The following JMJD7 variants were observed in gnomAD, a reference collection of about 807,000 sequenced individuals.
The protein encoded by JMJD7 is bifunctional peptidase and (3S)-lysyl hydroxylase JMJD7.
Under a neutral mutation model 41.1 loss-of-function variants are expected in JMJD7, and 41 were observed. The observed-to-expected ratio is 1.00, with a 90% confidence interval of 0.78 to 1.30. The LOEUF is 1.30. Ranked by LOEUF, JMJD7 falls within the 50% of genes most tolerant of loss-of-function variation. The pLI, the probability that JMJD7 is intolerant of heterozygous loss-of-function variation, is 0.00. For missense variants in JMJD7, 480 were observed against 420.7 expected (o/e 1.14, Z -1.23); for synonymous variants, 202 against 177.2 (o/e 1.14, Z -1.11).
chr15:41,830,224 C>T (rs894403228), intron 1 of JMJD7, among the ~76,000 whole-genome samples: 18 of 152,192 alleles, frequency 1.2e-4, no homozygotes, highest in African/African-American at 3.4e-4. Context: ...AGCACCCTGC[C>T]AAAGGTGCAA....
chr15:41,828,206 A>C lies in JMJD7; in HGVS notation c.64+18A>C, dbSNP rs986408704. 3.3e-6 allele frequency: 5 copies of C among 1,500,698 alleles called. No homozygotes were observed. The highest frequency in any genetic ancestry group is 4.4e-6 in the Non-Finnish European group (5 of 1,136,990). 93.0% of individuals were successfully genotyped at this position (1,500,698 alleles called of 1,614,324 possible). ...TGCAAGGGGTGAGTGGCTCTCCCAC[A>C]GGCTGCGGCGATTTCCGAACACGGG... On this transcript the variant is annotated intron_variant, in intron 1 of 7. Transcript: ENST00000397299.
In JMJD7 at chr15:41,833,414, A is replaced by ATATATATTT. The variant is rs1239528383; in HGVS notation, c.65-1325_65-1324insATATATTTT. On this transcript the variant is annotated intron_variant, in intron 1 of 7. Coordinates refer to ENST00000397299, the MANE Select transcript of JMJD7 (RefSeq NM_001114632.2). ...AATACATATATATATATATATATAT[A>ATATATATTT]TTTTTTTTTTTTTTTTTTTTTTTTG... 5.0e-3 allele frequency among the ~76,000 whole-genome samples: 160 copies of ATATATATTT among 32,026 alleles called. 3 individuals carry two copies. Among genetic ancestry groups the ATATATATTT allele is most frequent in the Non-Finnish European group, 7.2e-3 (118 of 16,348 alleles). 21.0% of individuals were successfully genotyped at this position (32,026 alleles called of 152,430 possible).
Position 41,836,850 on chromosome 15 carries a change from G to T in JMJD7, c.772G>T (p.Ala258Ser). ...ARYPSYSQAQALRCTVRAGEM... is the reference protein window; with the variant it reads ...ARYPSYSQAQSLRCTVRAGEM... ...GTACCCTAGTTACAGTCAGGCCCAG[G>T]CCCTTCGCTGCACGGTGCGGGCCGG... The change falls in exon 7 of 8, where the codon GCC becomes TCC. Residue 258 changes from alanine (A) to serine (S), a missense_variant. By Grantham distance (99) the Ala-to-Ser change is moderately conservative (BLOSUM62 1). Coordinates refer to ENST00000397299, the MANE Select transcript of JMJD7 (RefSeq NM_001114632.2). 2 of 1,613,154 alleles carry T rather than the reference G, an allele frequency of 1.2e-6. No homozygotes were observed. Among genetic ancestry groups the T allele is most frequent in the Non-Finnish European group, 1.7e-6 (2 of 1,179,762 alleles).
chr15:41,828,352 T>TC (rs1164100904), intron 1 of JMJD7, 164 bp downstream of exon 1: 4 of 809,134 alleles, frequency 4.9e-6, no homozygotes, highest in Non-Finnish European at 6.9e-6. Flanking sequence ...GTTCGCGCGC[T>TC]CCCGCGGCTT....
intron 7 of JMJD7, 26 bp downstream of exon 7, chr15:41,836,966 G>A (rs759321027): frequency 2.0e-5 from 32 of 1,610,338 alleles, no homozygotes; most frequent in Admixed American, 3.3e-5. Context: ...GGCCGCCTGG[G>A]GAGAGGCCCT....
Position 41,834,789 on chromosome 15 carries a change from G to A in JMJD7, c.114G>A (p.Pro38=), listed in dbSNP as rs376427978. ...CCTACCTGGACAAACCCCCAACTCC[G>A]CTCCACTTCTACCGGGACTGGGTCT... ...AVPYLDKPPT[P]LHFYRDWVCP... Residue 38 remains proline, a synonymous_variant, in exon 2 of 8, where the codon CCG becomes CCA. Transcript: ENST00000397299. The A allele has an allele frequency of 9.3e-6, 15 of 1,614,128 alleles. No homozygotes were observed. Among genetic ancestry groups the A allele is most frequent in the Middle Eastern group, 1.6e-4 (1 of 6,062 alleles).
chr15:41,836,281 G>A, intron 5 of JMJD7, 38 bp downstream of exon 5: 1 of 1,610,500 alleles, frequency 6.2e-7, no homozygotes, highest in Non-Finnish European at 8.5e-7. Flanking sequence ...CTGGGGAACA[G>A]CTGGCCCAAG....
chr15:41,837,066 A>G lies in JMJD7; in HGVS notation c.863-2A>G, dbSNP rs1328245375. ...ATGCTCAGATCCCCGTTCTTCCCACAGTGAATTTCTGGTATGACATGGAAT... is the reference window on the plus strand; with the variant it reads ...ATGCTCAGATCCCCGTTCTTCCCACGGTGAATTTCTGGTATGACATGGAAT... On this transcript the variant is annotated splice_acceptor_variant, in intron 7 of 7. Coordinates refer to ENST00000397299, the MANE Select transcript of JMJD7 (RefSeq NM_001114632.2). LOFTEE classifies it high-confidence loss of function. The G allele has an allele frequency of 3.1e-6, 5 of 1,612,874 alleles. No individual in the cohort carries two copies. The highest frequency in any genetic ancestry group is 4.2e-6 in the Non-Finnish European group (5 of 1,179,132).
chr15:41,834,690 G>T, intron 1 of JMJD7, 50 bp from the exon 2 acceptor site: 1 of 1,595,004 alleles, frequency 6.3e-7, no homozygotes. Flanking sequence ...GCAGGGACTG[G>T]GTGCTGCAGA....
rs1403869721 is a variant in JMJD7, at chr15:41,833,412, ATATTTT to A, written c.65-1326_65-1321del. ...GAAATACATATATATATATATATAT[ATATTTT>A]TTTTTTTTTTTTTTTTTTTTGAGAT... is the stretch of plus-strand genomic sequence containing the variant. On this transcript the variant is annotated intron_variant, in intron 1 of 7. Transcript: ENST00000397299. 2.6e-4 allele frequency among the ~76,000 whole-genome samples: 11 copies of A among 41,922 alleles called. 1 individual carries two copies. Among genetic ancestry groups the A allele is most frequent in the African/African-American group, 7.4e-4 (11 of 14,902 alleles). 27.5% of individuals were successfully genotyped at this position (41,922 alleles called of 152,430 possible). A position where few individuals can be genotyped will look rare whatever the true frequency, so the allele number is the denominator to read the frequency against.
chr15:41,836,598 C>G (rs1027046540), intron 6 of JMJD7, 47 bp downstream of exon 6: 4 of 1,504,606 alleles, frequency 2.7e-6, no homozygotes, highest in Non-Finnish European at 3.6e-6. Flanking sequence ...GGGCAGAAGC[C>G]TGGCTCTGAA....
rs1476491697 is a variant in JMJD7, at chr15:41,834,999, T to C, written c.248T>C (p.Val83Ala). The change falls in exon 3 of 8, where the codon GTG becomes GCG. Residue 83 changes from valine (V) to alanine (A), a missense_variant. Physicochemically the swap from Val to Ala is moderately conservative, Grantham distance 64 (BLOSUM62 0). Coordinates refer to ENST00000397299, the MANE Select transcript of JMJD7 (RefSeq NM_001114632.2). ...ACAGTGGGCTCCACAGAGGTGAGTG[T>C]GGCCGTGACCCCAGATGGTTACGCG... is the stretch of plus-strand genomic sequence containing the variant. ...RATVGSTEVS[V>A]AVTPDGYADA... The C allele has an allele frequency of 6.2e-7, 1 of 1,614,092 alleles. No individual in the cohort carries two copies. Among genetic ancestry groups the C allele is most frequent in the Admixed American group, 1.7e-5 (1 of 60,024 alleles).
At chr15:41,830,347 G>A (rs2065211512) in intron 1 of JMJD7, among the ~76,000 whole-genome samples, 1 of 152,244 alleles carries the variant, frequency 6.6e-6, no homozygotes, top group Non-Finnish European at 1.5e-5. Context: ...AGGACTACTA[G>A]GCTCATTTGT....
In JMJD7 at chr15:41,837,190, G is replaced by T. The variant is rs767817014; in HGVS notation, c.*34G>T. 2 of 1,476,264 alleles carry T rather than the reference G, an allele frequency of 1.4e-6. No individual in the cohort carries two copies. Among genetic ancestry groups the T allele is most frequent in the Non-Finnish European group, 1.9e-6 (2 of 1,066,218 alleles). 91.4% of individuals were successfully genotyped at this position (1,476,264 alleles called of 1,614,324 possible). ...TGGTGAACACCACCAAGCACGCCTC[G>T]GGGGACGGAGCCAGCCCCTCCCTGG... On this transcript the variant is annotated 3_prime_UTR_variant, in exon 8 of 8. Coordinates refer to ENST00000397299, the MANE Select transcript of JMJD7 (RefSeq NM_001114632.2).
intron 1 of JMJD7, among the ~76,000 whole-genome samples, chr15:41,832,926 CTGAG>C (rs1379643211): frequency 4.6e-5 from 7 of 152,284 alleles, no homozygotes; most frequent in Middle Eastern, 3.4e-3. Context: ...ACACTCCAGT[CTGAG>C]TGAGCAGCTG....
Position 41,837,364 on chromosome 15 carries a change from T to C in JMJD7, c.*208T>C. ...GGTCTGGGTGAGGGTTCTCAGGAAG[T>C]TGCCACACAGGTGAGCAGAGTGGGG... On this transcript the variant is annotated 3_prime_UTR_variant, in exon 8 of 8. Transcript: ENST00000397299. 1.7e-6 allele frequency: 1 copy of C among 584,158 alleles called. No individual in the cohort carries two copies. Among genetic ancestry groups the C allele is most frequent in the Admixed American group, 3.1e-5 (1 of 31,928 alleles). The allele number at this position is 584,158 out of a possible 1,614,324, so 36.2% of individuals were successfully genotyped here. A position where few individuals can be genotyped will look rare whatever the true frequency, so the allele number is the denominator to read the frequency against.
Position 41,837,071 on chromosome 15 carries a change from A to G in JMJD7, c.866A>G (p.Asn289Ser). The part of the protein sequence containing the change: ...VQQSQGCIAV[N>S]FWYDMEYDLK... ...CAGATCCCCGTTCTTCCCACAGTGAATTTCTGGTATGACATGGAATACGAC... is the reference window on the plus strand; with the variant it reads ...CAGATCCCCGTTCTTCCCACAGTGAGTTTCTGGTATGACATGGAATACGAC... The change falls in exon 8 of 8, where the codon AAT (asparagine) becomes AGT (serine). Residue 289 changes from asparagine (N) to serine (S), a missense_variant. Asn to Ser is a conservative substitution (Grantham distance 46). Coordinates refer to ENST00000397299, the MANE Select transcript of JMJD7 (RefSeq NM_001114632.2). 1 of 1,613,312 alleles carries G rather than the reference A, an allele frequency of 6.2e-7. No homozygotes were observed. Among genetic ancestry groups the G allele is most frequent in the Non-Finnish European group, 8.5e-7 (1 of 1,179,372 alleles).
Position 41,828,189 on chromosome 15 carries a change from G to T in JMJD7, c.64+1G>T. On this transcript the variant is annotated splice_donor_variant, in intron 1 of 7. Coordinates refer to ENST00000397299, the MANE Select transcript of JMJD7 (RefSeq NM_001114632.2). LOFTEE classifies it high-confidence loss of function. ...CGAGAATTCCCGGCCGCTGCAAGGGGTGAGTGGCTCTCCCACAGGCTGCGG... is the reference window on the plus strand; with the variant it reads ...CGAGAATTCCCGGCCGCTGCAAGGGTTGAGTGGCTCTCCCACAGGCTGCGG... 6.6e-7 allele frequency: 1 copy of T among 1,504,466 alleles called. No individual in the cohort carries two copies. Among genetic ancestry groups the T allele is most frequent in the Non-Finnish European group, 8.8e-7 (1 of 1,138,298 alleles). 93.2% of individuals were successfully genotyped at this position (1,504,466 alleles called of 1,614,324 possible).
Position 41,836,801 on chromosome 15 carries a change from C to T in JMJD7, c.723C>T (p.Asp241=). 1 of 1,610,702 alleles carries T rather than the reference C, an allele frequency of 6.2e-7. No individual in the cohort carries two copies. The highest frequency in any genetic ancestry group is 8.5e-7 in the Non-Finnish European group (1 of 1,178,826). Residue 241 remains aspartate, a synonymous_variant, in exon 7 of 8, where the codon GAC becomes GAT. Coordinates refer to ENST00000397299, the MANE Select transcript of JMJD7 (RefSeq NM_001114632.2). ...AMEKVPWIPL[D]PLAPDLARYP... ...CCCAGGTGCCCTGGATCCCACTGGA[C>T]CCCTTGGCGCCAGACCTAGCACGGT...
Sources: gnomAD v4.1 joint callset for allele counts (sites outside exome capture counted in the v4.1 genomes callset) on GRCh38, gnomAD v4.1.1 for gene constraint, MANE v1.5 for transcripts, NCBI Gene and HGNC (gene_info 2026-07-23, HGNC 2026-07-21) for gene names.